Variants in RIPK2 observed in about 807,000 individuals in gnomAD.
The protein encoded by RIPK2 is receptor interacting serine/threonine kinase 2.
A neutral mutation model predicts 60.9 loss-of-function variants in RIPK2; 38 were observed. The observed-to-expected ratio is 0.62, with a 90% confidence interval of 0.48 to 0.82. RIPK2 has a LOEUF of 0.82. RIPK2 is among the 40% of genes least tolerant of loss of function. The probability of loss-of-function intolerance (pLI) is 0.00; values close to 1 mark genes in which losing one functional copy is unlikely to be tolerated. For synonymous variants in RIPK2, 225 were observed against 223.4 expected (o/e 1.01, Z -0.06); for missense variants, 518 against 647.0 (o/e 0.80, Z 2.16).
rs1349228533 is a variant in RIPK2, at chr8:89,772,840, G to A, written c.853+12G>A. ...ACCATCTTTCTTAAGTGAGTATATA[G>A]TTTTAACCTAGACTCTTTGAATTAC... is the stretch of plus-strand genomic sequence containing the variant. On this transcript the variant is annotated intron_variant, in intron 6 of 10. Coordinates refer to ENST00000220751, the MANE Select transcript of RIPK2 (RefSeq NM_003821.6). 6.4e-6 allele frequency: 10 copies of A among 1,569,096 alleles called. No individual in the cohort carries two copies. The highest frequency in any genetic ancestry group is 7.8e-6 in the Non-Finnish European group (9 of 1,154,418).
In RIPK2 at chr8:89,790,257, A is replaced by G. The variant is rs775715507; in HGVS notation, c.1464A>G (p.Arg488=). 2 of 1,614,074 alleles carry G rather than the reference A, an allele frequency of 1.2e-6. No homozygotes were observed. The highest frequency in any genetic ancestry group is 1.7e-6 in the Non-Finnish European group (2 of 1,180,028). The change falls in exon 11 of 11, where the codon AGA becomes AGG. Residue 488 remains arginine, a synonymous_variant. Transcript: ENST00000220751. The part of the protein sequence containing the change: ...STKPTRTSKV[R]QLLDTTDIQG... ...AGCCTACAAGGACCTCAAAAGTCAG[A>G]CAATTACTAGACACTACTGACATCC... is the stretch of plus-strand genomic sequence containing the variant.
At chr8:89,786,223 C>T (rs1184306457) in intron 8 of RIPK2, among the ~76,000 whole-genome samples, 1 of 152,060 alleles carries the variant, frequency 6.6e-6, no homozygotes, top group Non-Finnish European at 1.5e-5. Context: ...CCTGTAATTC[C>T]AGCACTTTGT....
chr8:89,777,102 C>A (rs1809410592), intron 6 of RIPK2, among the ~76,000 whole-genome samples: 1 of 152,196 alleles, frequency 6.6e-6, no homozygotes, highest in Non-Finnish European at 1.5e-5. Context: ...TAGGACATTG[C>A]ACCAGAAGGG....
chr8:89,760,017 A>G (rs180867481), intron 1 of RIPK2, among the ~76,000 whole-genome samples: 137 of 152,312 alleles, frequency 9.0e-4, no homozygotes, highest in Non-Finnish European at 1.7e-3. Flanking sequence ...AGACCAGCGA[A>G]ACACTCTGGC....
intron 1 of RIPK2, among the ~76,000 whole-genome samples, chr8:89,758,682 C>G (rs773663997): frequency 6.6e-6 from 1 of 152,112 alleles, no homozygotes; most frequent in East Asian, 1.9e-4. Flanking sequence ...CTCTTAGCCA[C>G]AGGTGGCTAT....
intron 2 of RIPK2, 128 bp from the exon 3 acceptor site, chr8:89,765,213 T>C: frequency 1.7e-6 from 1 of 582,646 alleles, no homozygotes; most frequent in Non-Finnish European, 2.9e-6. Context: ...TGCTATTTTA[T>C]AAAAATGAGC....
intron 6 of RIPK2, among the ~76,000 whole-genome samples, chr8:89,773,896 T>G (rs548463429): frequency 5.3e-5 from 8 of 152,242 alleles, no homozygotes; most frequent in Admixed American, 3.3e-4. Flanking sequence ...CATTGGAAAC[T>G]TTTCCACTTC....
At chr8:89,759,217 A>G in intron 1 of RIPK2, 1 of 445,288 alleles carries the variant, frequency 2.2e-6, no homozygotes, top group Non-Finnish European at 4.6e-6. Context: ...AGGGAAGGTT[A>G]GCATTAGTTT....
Position 89,790,599 on chromosome 8 carries a change from T to G in RIPK2, c.*183T>G. The G allele has an allele frequency of 2.1e-6, 1 of 484,168 alleles. No homozygotes were observed. The highest frequency in any genetic ancestry group is 3.9e-5 in the South Asian group (1 of 25,776). 30.0% of individuals were successfully genotyped at this position (484,168 alleles called of 1,614,324 possible). A position where few individuals can be genotyped will look rare whatever the true frequency, so the allele number is the denominator to read the frequency against. Reference sequence around the variant, plus strand: ...ATTAATACAAGTAAAAAGTTTGAATTTTGCTACATAGTTCAATTTTTATGT... The same window carrying G: ...ATTAATACAAGTAAAAAGTTTGAATGTTGCTACATAGTTCAATTTTTATGT... On this transcript the variant is annotated 3_prime_UTR_variant, in exon 11 of 11. Coordinates refer to ENST00000220751, the MANE Select transcript of RIPK2 (RefSeq NM_003821.6).
At chr8:89,785,015 G>A (rs1018635042) in intron 8 of RIPK2, among the ~76,000 whole-genome samples, 2 of 152,082 alleles carry the variant, frequency 1.3e-5, no homozygotes, top group African/African-American at 4.8e-5. Flanking sequence ...ATGGCACCAA[G>A]CTATTCATGA....
At chr8:89,762,731 A>G (rs567220804) in intron 1 of RIPK2, 98 bp from the exon 2 acceptor site, 2 of 576,126 alleles carry the variant, frequency 3.5e-6, no homozygotes, top group East Asian at 3.2e-5. Context: ...ATGAGGTCAC[A>G]TAGCTAATTA....
chr8:89,765,258 C>A, intron 2 of RIPK2, 83 bp from the exon 3 acceptor site: 2 of 945,680 alleles, frequency 2.1e-6, no homozygotes, highest in Non-Finnish European at 3.2e-6. Flanking sequence ...TGTATTTCCT[C>A]ATGGAATATT....
chr8:89,786,277 C>T (rs1045062566), intron 8 of RIPK2, among the ~76,000 whole-genome samples: 19 of 151,998 alleles, frequency 1.3e-4, no homozygotes, highest in African/African-American at 4.4e-4. Context: ...AGTTTGAGAC[C>T]AGCCTGGGCA....
chr8:89,769,809 C>G lies in RIPK2; in HGVS notation c.521C>G (p.Ser174Cys). ...GGTTTATCAAAGTGGCGCATGATGT[C>G]CCTCTCACAGTCACGAAGTAGCAAA... ...DFGLSKWRMM[S>C]LSQSRSSKSA... The change falls in exon 4 of 11, where the codon TCC (serine) becomes TGC (cysteine). Residue 174 changes from serine (S) to cysteine (C), a missense_variant. Transcript: ENST00000220751. 1 of 1,607,520 alleles carries G rather than the reference C, an allele frequency of 6.2e-7. No individual in the cohort carries two copies. Among genetic ancestry groups the G allele is most frequent in the Non-Finnish European group, 8.5e-7 (1 of 1,176,684 alleles).
rs202151044 is a variant in RIPK2, at chr8:89,765,397, T to C, written c.384T>C (p.Ile128=). The change falls in exon 3 of 11, where the codon ATT becomes ATC. Residue 128 remains isoleucine, a synonymous_variant. Transcript: ENST00000220751. ...TGAGATTTCGCATCCTGCATGAAAT[T>C]GCCCTTGGTGTAAATTACCTGCACA... ...WPLRFRILHE[I]ALGVNYLHNM... 11 of 1,609,466 alleles carry C rather than the reference T, an allele frequency of 6.8e-6. No homozygotes were observed. The highest frequency in any genetic ancestry group is 7.7e-6 in the Non-Finnish European group (9 of 1,176,430).
At chr8:89,782,775 A>G (rs1809521922) in intron 7 of RIPK2, among the ~76,000 whole-genome samples, 1 of 152,248 alleles carries the variant, frequency 6.6e-6, no homozygotes, top group African/African-American at 2.4e-5. Flanking sequence ...TAAATCTTGA[A>G]TAATAAACAC....
chr8:89,788,121 C>T (rs1809616534), intron 9 of RIPK2, among the ~76,000 whole-genome samples: 2 of 152,098 alleles, frequency 1.3e-5, no homozygotes, highest in Admixed American at 1.3e-4. Context: ...GTGGGCAAAT[C>T]ACTTGAGGCC....
intron 6 of RIPK2, 104 bp downstream of exon 6, chr8:89,772,932 G>T: frequency 1.5e-6 from 1 of 672,594 alleles, no homozygotes; most frequent in Non-Finnish European, 2.3e-6. Context: ...TGACTAGCTA[G>T]AAGTTGTTTA....
chr8:89,776,345 A>G (rs1586126889), intron 6 of RIPK2, among the ~76,000 whole-genome samples: 1 of 152,356 alleles, frequency 6.6e-6, no homozygotes, highest in African/African-American at 2.4e-5. Flanking sequence ...TAAGACAGCA[A>G]TTCTCAAACT....
Sources: allele counts gnomAD v4.1 joint callset (sites outside exome capture counted in the v4.1 genomes callset), GRCh38; gene constraint gnomAD v4.1.1; transcripts MANE v1.5; gene names NCBI Gene and HGNC (gene_info 2026-07-23, HGNC 2026-07-21).